The following CEACAM3 variants were observed in gnomAD, a reference collection of about 807,000 sequenced individuals.
CEACAM3 encodes cell adhesion molecule CEACAM3.
In CEACAM3, 32 loss-of-function variants were observed where a neutral mutation model predicts 30.1. That is an observed-to-expected ratio of 1.06 (90% CI 0.80 to 1.43). The LOEUF is 1.43. Ranked by LOEUF, CEACAM3 falls within the 40% of genes most tolerant of loss-of-function variation. The pLI, the probability that CEACAM3 is intolerant of heterozygous loss-of-function variation, is 0.00. For missense variants in CEACAM3, 290 were observed against 316.3 expected, an observed-to-expected ratio of 0.92 and a Z score of 0.63; for synonymous variants, 134 against 127.2, an observed-to-expected ratio of 1.05 and a Z score of -0.36.
At chr19:41,811,115 G>C (rs1254458577) in intron 6 of CEACAM3, 57 bp from the exon 7 acceptor site, 23 of 1,578,738 alleles carry the variant, frequency 1.5e-5, no homozygotes, top group Non-Finnish European at 2.0e-5. Context: ...CCTGGGAGAC[G>C]CCACACCCTG....
chr19:41,804,995 ATGT>A (rs1380093210), intron 2 of CEACAM3, among the ~76,000 whole-genome samples: 1 of 152,198 alleles, frequency 6.6e-6, no homozygotes, highest in Non-Finnish European at 1.5e-5. Flanking sequence ...CACTGGCATG[ATGT>A]TCAAAGGAAA....
intron 2 of CEACAM3, among the ~76,000 whole-genome samples, chr19:41,805,723 G>A (rs145971886): frequency 6.6e-6 from 1 of 152,172 alleles, no homozygotes; most frequent in Admixed American, 6.5e-5. Flanking sequence ...TATTTGCAAA[G>A]ATTCTTCCCA....
At chr19:41,809,264 G>A (rs980490560) in intron 3 of CEACAM3, 1 of 285,162 alleles carries the variant, frequency 3.5e-6, no homozygotes, top group African/African-American at 2.2e-5. Flanking sequence ...CTCTGTACTT[G>A]GTACCTCCCA....
At chr19:41,807,600 C>T in intron 2 of CEACAM3, 2 of 1,225,496 alleles carry the variant, frequency 1.6e-6, no homozygotes. Context: ...GGTCCACAGC[C>T]TGTGATGGGA....
chr19:41,809,701 A>T, intron 3 of CEACAM3: 1 of 395,176 alleles, frequency 2.5e-6, no homozygotes, highest in South Asian at 3.6e-5. Flanking sequence ...TTGGGTCCTC[A>T]GTCCCTTTCC....
At chr19:41,806,154 A>G (rs2073198031) in intron 2 of CEACAM3, among the ~76,000 whole-genome samples, 1 of 151,984 alleles carries the variant, frequency 6.6e-6, no homozygotes, top group South Asian at 2.1e-4. Flanking sequence ...CAGCCTCCCG[A>G]GTAGCTGGAA....
chr19:41,807,637 A>C (rs1455616834), intron 2 of CEACAM3: 34 of 1,187,330 alleles, frequency 2.9e-5, no homozygotes, highest in Non-Finnish European at 3.5e-5. Flanking sequence ...TCAGACCCAG[A>C]CTCAGTGGAC....
chr19:41,811,243 T>G lies in CEACAM3; in HGVS notation c.*6T>G, dbSNP rs899662. ...AAGCAGAAGTGGCTTCTTAGCTTCC[T>G]CCAGGAGCTGCTCCTGTGTGTTGAT... On this transcript the variant is annotated 3_prime_UTR_variant, in exon 7 of 7. Transcript: ENST00000357396. 960,580 of 1,612,460 alleles carry G rather than the reference T, an allele frequency of 0.6. 293,854 individuals are homozygous for G. The highest frequency in any genetic ancestry group is 0.74 in the Middle Eastern group (4,191 of 5,660).
At chr19:41,802,613 G>T (rs1167843191) in intron 2 of CEACAM3, among the ~76,000 whole-genome samples, 3 of 152,106 alleles carry the variant, frequency 2.0e-5, no homozygotes, top group Non-Finnish European at 4.4e-5. Flanking sequence ...GGACAAGGAG[G>T]GACTCTTTTG....
chr19:41,805,127 T>C (rs1325367658), intron 2 of CEACAM3, among the ~76,000 whole-genome samples: 1 of 152,080 alleles, frequency 6.6e-6, no homozygotes, highest in African/African-American at 2.4e-5. Context: ...TTTGCTCTTA[T>C]GCATAAGAGA....
At chr19:41,797,311 T>C (rs1291120853) in intron 1 of CEACAM3, 2 of 438,388 alleles carry the variant, frequency 4.6e-6, no homozygotes, top group East Asian at 7.8e-5. Flanking sequence ...AGAGGAGGTG[T>C]CAGGGGAGGG....
intron 2 of CEACAM3, among the ~76,000 whole-genome samples, chr19:41,798,624 C>T (rs183068069): frequency 2.4e-3 from 365 of 152,330 alleles, no homozygotes; most frequent in African/African-American, 8.3e-3. Context: ...ACTTAGATGA[C>T]TCCATGGGAA....
chr19:41,796,618 C>A lies in CEACAM3; in HGVS notation c.-60C>A. The A allele has an allele frequency of 6.3e-7, 1 of 1,590,280 alleles. No individual in the cohort carries two copies. The highest frequency in any genetic ancestry group is 8.6e-7 in the Non-Finnish European group (1 of 1,158,562). ...GCCTAAGTCACAGTAGCCCTGACTA[C>A]AGCATTCCTGGAGCCCAGGCTCTTT... On this transcript the variant is annotated 5_prime_UTR_variant, in exon 1 of 7. Transcript: ENST00000357396.
At chr19:41,806,672 GTGTT>G (rs556916117) in intron 2 of CEACAM3, among the ~76,000 whole-genome samples, 77 of 152,180 alleles carry the variant, frequency 5.1e-4, no homozygotes, top group Admixed American at 1.1e-3. Context: ...TTTTGTTTGT[GTGTT>G]TGTTTGTTTG....
rs111414446 is a variant in CEACAM3, at chr19:41,797,961, A to C, written c.424+13A>C. On this transcript the variant is annotated intron_variant, in intron 2 of 6. Coordinates refer to ENST00000357396, the MANE Select transcript of CEACAM3 (RefSeq NM_001815.5). ...TTCCATGTATACCGTGAGTATTTCCACATGACCTCTGGGTGTTGGGGGTCA... is the reference window on the plus strand; with the variant it reads ...TTCCATGTATACCGTGAGTATTTCCCCATGACCTCTGGGTGTTGGGGGTCA... 9,030 of 1,584,786 alleles carry C rather than the reference A, an allele frequency of 5.7e-3. 324 individuals are homozygous for C. The African/African-American group carries it at 0.091, about 16-fold the overall frequency.
Position 41,797,675 on chromosome 19 carries a change from G to A in CEACAM3, c.151G>A (p.Val51Met). ...GCTCAGTGTCGCAGAGGGGAAGGAG[G>A]TGCTTCTACTTGTCCACAATCTGCC... ...MPLSVAEGKE[V>M]LLLVHNLPQH... Residue 51 changes from valine (V) to methionine (M), a missense_variant, in exon 2 of 7, where the codon GTG (valine) becomes ATG (methionine). Val to Met is a conservative substitution (Grantham distance 21, BLOSUM62 1). Transcript: ENST00000357396. The A allele has an allele frequency of 1.2e-6, 2 of 1,614,136 alleles. No homozygotes were observed. The highest frequency in any genetic ancestry group is 1.7e-6 in the Non-Finnish European group (2 of 1,180,040).
chr19:41,810,781 G>C (rs142361463), intron 5 of CEACAM3, 51 bp from the exon 6 acceptor site: 1 of 1,475,240 alleles, frequency 6.8e-7, no homozygotes, highest in East Asian at 2.3e-5. Flanking sequence ...GCCAATCAGA[G>C]ACAGGAAACT....
rs1045382208 is a variant in CEACAM3, at chr19:41,811,355, C to T, written c.*118C>T. 11 of 864,922 alleles carry T rather than the reference C, an allele frequency of 1.3e-5. No individual in the cohort carries two copies. In the African/African-American group the frequency reaches 1.9e-4, roughly 15 times the overall value. The allele number at this position is 864,922 out of a possible 1,614,324, so 53.6% of individuals were successfully genotyped here. A position where few individuals can be genotyped will look rare whatever the true frequency, so the allele number is the denominator to read the frequency against. ...ACCAGCTATAAGTCCTGAGAAGACA[C>T]TGGTGTCTGGGGGCAGGGAGGGATG... On this transcript the variant is annotated 3_prime_UTR_variant, in exon 7 of 7. Transcript: ENST00000357396.
Position 41,807,098 on chromosome 19 carries a change from G to A in CEACAM3, c.425-1715G>A, listed in dbSNP as rs782413561. ...TGCCACACAGGGCAATCTTCTCTCT[G>A]TTTTCTGCACAGCGGAGCTGCCCAA... On this transcript the variant is annotated intron_variant, in intron 2 of 6. Transcript: ENST00000357396. 17 of 1,609,574 alleles carry A rather than the reference G, an allele frequency of 1.1e-5. No individual in the cohort carries two copies. In the African/African-American group the frequency reaches 1.6e-4, roughly 15 times the overall value.
Sources: gnomAD v4.1 joint callset for allele counts (sites outside exome capture counted in the v4.1 genomes callset) on GRCh38, gnomAD v4.1.1 for gene constraint, MANE v1.5 for transcripts, NCBI Gene and HGNC (gene_info 2026-07-23, HGNC 2026-07-21) for gene names.